The following NLRP1 variants were observed in gnomAD, a reference collection of about 807,000 sequenced individuals.
The protein encoded by NLRP1 is NLR family pyrin domain containing 1, also known as NACHT, LRR and PYD domains-containing protein 1.
Under a neutral mutation model 136.7 loss-of-function variants are expected in NLRP1, and 94 were observed. The observed-to-expected ratio is 0.69, with a 90% CI of 0.58 to 0.82. The LOEUF (loss-of-function observed/expected upper bound fraction) is 0.82, where lower values mean the gene tolerates loss of function less well. Among genes scored for constraint, NLRP1 ranks in the 40% least tolerant of loss-of-function variants. The probability of loss-of-function intolerance (pLI) is 0.00; values close to 1 mark genes in which losing one functional copy is unlikely to be tolerated. For missense variants in NLRP1, 1,575 were observed against 1,802.7 expected, an observed-to-expected ratio of 0.87 and a Z score of 2.29; for synonymous variants, 690 against 725.1, an observed-to-expected ratio of 0.95 and a Z score of 0.78.
At chr17:5,579,329 A>C (rs1905336288) in intron 3 of NLRP1, among the ~76,000 whole-genome samples, 1 of 152,116 alleles carries the variant, frequency 6.6e-6, no homozygotes, top group Non-Finnish European at 1.5e-5. Context: ...AGGCCAGAAT[A>C]GAATAAAAAA....
intron 12 of NLRP1, chr17:5,530,038 G>A (rs1447279387): frequency 2.2e-6 from 1 of 457,132 alleles, no homozygotes; most frequent in East Asian, 6.9e-5. Context: ...GGCGTCTGAT[G>A]ACACTGTTTC....
In NLRP1 at chr17:5,541,960, T is replaced by G; in HGVS notation, c.2596A>C (p.Thr866Pro). The G allele has an allele frequency of 6.2e-7, 1 of 1,614,104 alleles. No homozygotes were observed. The highest frequency in any genetic ancestry group is 8.5e-7 in the Non-Finnish European group (1 of 1,180,018). Reference sequence around the variant, plus strand: ...AAGCTCAGGTCCAGCTCGGTCAGGGTCTGGTTGGCTCTCAGCCCAAAGGCA... The same window carrying G: ...AAGCTCAGGTCCAGCTCGGTCAGGGGCTGGTTGGCTCTCAGCCCAAAGGCA... ...DLAFGLRANQ[T>P]LTELDLSFNV... Residue 866 changes from threonine (T) to proline (P), a missense_variant, in exon 6 of 17, where the codon ACC becomes CCC. Coordinates refer to ENST00000572272, the MANE Select transcript of NLRP1 (RefSeq NM_033004.4). This position sits in a 1 kb window ranked among gnomAD's most constrained non-coding sequence, Gnocchi z 4.2.
Position 5,582,741 on chromosome 17 carries a change from G to A in NLRP1, c.377C>T (p.Ala126Val), listed in dbSNP as rs779228750. ...VLMPWIHELP[A>V]GCTQGSERRV... is the part of the protein sequence containing the mutation. ...TCTCTCTGAGCCCTGGGTGCACCCCGCCGGCAATTCATGGATCCAGGGCAT... is the reference window on the plus strand; with the variant it reads ...TCTCTCTGAGCCCTGGGTGCACCCCACCGGCAATTCATGGATCCAGGGCAT... Residue 126 changes from alanine (A) to valine (V), a missense_variant, in exon 2 of 17, where the codon GCG (alanine) becomes GTG (valine). By Grantham distance (64) the Ala-to-Val change is moderately conservative. Coordinates refer to ENST00000572272, the MANE Select transcript of NLRP1 (RefSeq NM_033004.4). 15 of 1,613,978 alleles carry A rather than the reference G, an allele frequency of 9.3e-6. No individual in the cohort carries two copies. In the East Asian group the frequency reaches 1.3e-4, roughly 14 times the overall value.
intron 11 of NLRP1, 91 bp from the exon 12 acceptor site, chr17:5,530,795 G>C (rs1201724081): frequency 5.3e-6 from 5 of 944,670 alleles, no homozygotes; most frequent in Non-Finnish European, 8.3e-6. Flanking sequence ...TTGCGGATAC[G>C]GTACAGTGGC....
chr17:5,503,894 G>C (rs576472221), intron 15 of NLRP1: 1 of 152,402 alleles, frequency 6.6e-6, no homozygotes, highest in Admixed American at 6.5e-5. Flanking sequence ...GACCTGCCCA[G>C]AGTACATACC....
chr17:5,531,383 T>C (rs1910256525), intron 11 of NLRP1, among the ~76,000 whole-genome samples: 1 of 152,142 alleles, frequency 6.6e-6, no homozygotes, highest in Admixed American at 6.6e-5. Flanking sequence ...GTCCAGCTAA[T>C]TTTTTTGGTA....
In NLRP1 at chr17:5,571,374, C is replaced by A. The variant is rs578030145; in HGVS notation, c.652+10485G>T. Among the ~76,000 whole-genome samples the A allele has an allele frequency of 1.1e-3, 161 of 152,226 alleles. 3 individuals are homozygous for A. The South Asian group carries it at 0.032, about 31-fold the overall frequency. Reference sequence around the variant, plus strand: ...CTAGAAAACCTCCTAGTCTCTGTCCCAAATCTGCTAGATCTAATAAACAAC... The same window carrying A: ...CTAGAAAACCTCCTAGTCTCTGTCCAAAATCTGCTAGATCTAATAAACAAC... On this transcript the variant is annotated intron_variant, in intron 3 of 16. Transcript: ENST00000572272.
At chr17:5,518,869 T>A (rs1908493538) in intron 14 of NLRP1, among the ~76,000 whole-genome samples, 1 of 151,358 alleles carries the variant, frequency 6.6e-6, no homozygotes, top group Non-Finnish European at 1.5e-5. Flanking sequence ...GACAGGGTCT[T>A]GCTCTGTTGA....
At chr17:5,566,253 T>C (rs1307606006) in intron 3 of NLRP1, among the ~76,000 whole-genome samples, 1 of 152,084 alleles carries the variant, frequency 6.6e-6, no homozygotes, top group East Asian at 1.9e-4. Flanking sequence ...TTAAGATGCA[T>C]CATTAGATTG....
chr17:5,511,994 T>G, downstream of NLRP1: 1 of 527,156 alleles, frequency 1.9e-6, no homozygotes, highest in Admixed American at 2.9e-5. Flanking sequence ...GGGCCTGGTT[T>G]AGAAAGTAAC....
At position 5,521,604 on chromosome 17, in the gene NLRP1, C is replaced by A; in HGVS notation, c.3703G>T (p.Val1235Leu). ...GGATGGACGCGGTGGTAAAGCAACA[C>A]CACAGAGGTGACGGGAATGAAGCGC... ...ALRFIPVTSV[V>L]LLYHRVHPEE... Residue 1235 changes from valine (V) to leucine (L), a missense_variant, in exon 13 of 17, where the codon GTG becomes TTG. Physicochemically the swap from Val to Leu is conservative, Grantham distance 32. Transcript: ENST00000572272. The A allele has an allele frequency of 6.2e-7, 1 of 1,614,110 alleles. No homozygotes were observed.
intron 3 of NLRP1, among the ~76,000 whole-genome samples, chr17:5,566,597 G>A (rs114632656): frequency 0.024 from 3,646 of 152,052 alleles, 156 homozygotes; most frequent in African/African-American, 0.084. Flanking sequence ...TGTATCCTTG[G>A]GAATGATCCA....
intron 3 of NLRP1, among the ~76,000 whole-genome samples, chr17:5,575,993 A>G (rs1352431082): frequency 2.0e-5 from 3 of 152,234 alleles, no homozygotes; most frequent in African/African-American, 7.2e-5. Flanking sequence ...GCTCAACTAC[A>G]TGGAAACTGA....
chr17:5,521,166 C>T (rs542492467), intron 13 of NLRP1, among the ~76,000 whole-genome samples, 154 bp from the exon 14 acceptor site: 1 of 152,250 alleles, frequency 6.6e-6, no homozygotes, highest in South Asian at 2.1e-4. Flanking sequence ...AGAGACAGCC[C>T]GCACTTGGTC....
chr17:5,530,029 G>T (rs2151753888), intron 12 of NLRP1: 1 of 456,932 alleles, frequency 2.2e-6, no homozygotes, highest in East Asian at 6.9e-5. Flanking sequence ...CTCTCAGATG[G>T]CGTCTGATGA....
At chr17:5,515,331 A>T in intron 16 of NLRP1, 142 bp downstream of exon 16, 2 of 789,646 alleles carry the variant, frequency 2.5e-6, no homozygotes, top group Non-Finnish European at 2.2e-6. Flanking sequence ...ATGGGGAGCG[A>T]CCATGCACCG....
At chr17:5,532,022 C>A (rs760891593) in intron 11 of NLRP1, among the ~76,000 whole-genome samples, 4 of 152,164 alleles carry the variant, frequency 2.6e-5, no homozygotes, top group Non-Finnish European at 5.9e-5. Flanking sequence ...GAAGGTGGAT[C>A]GTCTGAGGTC....
chr17:5,533,551 G>GTTTTTTTTTTTTTTT lies in NLRP1; in HGVS notation c.3053-182_3053-168dup, dbSNP rs35006823. Among the ~76,000 whole-genome samples the GTTTTTTTTTTTTTTT allele has an allele frequency of 1.2e-3, 105 of 90,026 alleles. 5 individuals are homozygous for GTTTTTTTTTTTTTTT. Among genetic ancestry groups the GTTTTTTTTTTTTTTT allele is most frequent in the Middle Eastern group, 0.014 (2 of 140 alleles). The allele number at this position is 90,026 out of a possible 152,430, so 59.1% of individuals were successfully genotyped here. On this transcript the variant is annotated intron_variant, in intron 9 of 16. Transcript: ENST00000572272. ...AGCCTGAACACTAGAGTGAGACTCTGTTTTTTTTTTTTTTTTTTTTTTTTT... is the reference window on the plus strand; with the variant it reads ...AGCCTGAACACTAGAGTGAGACTCTGTTTTTTTTTTTTTTTTTTTTTTTTTTTTTTTTTTTTTTTT...
At chr17:5,553,947 AT>A (rs1242324759) in intron 4 of NLRP1, among the ~76,000 whole-genome samples, 4 of 152,034 alleles carry the variant, frequency 2.6e-5, no homozygotes, top group African/African-American at 9.7e-5. Flanking sequence ...TTTTAAAAAA[AT>A]TTGACAATTT....
Sources: gnomAD v4.1 joint callset for allele counts (sites outside exome capture counted in the v4.1 genomes callset) on GRCh38, gnomAD v4.1.1 for gene constraint, Gnocchi (gnomAD v3.1) non-coding constraint, MANE v1.5 for transcripts, NCBI Gene and HGNC (gene_info 2026-07-23, HGNC 2026-07-21) for gene names.